Variants in BGN observed in about 807,000 individuals in gnomAD.
BGN encodes bone/cartilage proteoglycan-I.
Under a neutral mutation model 20.0 loss-of-function variants are expected in BGN, and 6 were observed. That is an observed-to-expected ratio of 0.30 (90% confidence interval 0.16 to 0.59). BGN has a LOEUF of 0.59. BGN is among the 20% of genes least tolerant of loss of function. BGN has a pLI of 0.88. For missense variants in BGN, 292 were observed against 312.1 expected, an observed-to-expected ratio of 0.94 and a Z score of 0.49; for synonymous variants, 146 against 134.6, an observed-to-expected ratio of 1.08 and a Z score of -0.59.
At position 153,503,719 on chromosome X, in the gene BGN, T is replaced by TG. The variant is rs1285893661; in HGVS notation, c.-11-896dup. Among the ~76,000 whole-genome samples the TG allele has an allele frequency of 6.2e-5, 7 of 112,245 alleles. No homozygotes were observed. In the Admixed American group the frequency reaches 6.5e-4, roughly 10 times the overall value. On this transcript the variant is annotated intron_variant, in intron 1 of 7. Transcript: ENST00000331595. ...TCCACTCCCACTCGCCGCCTCGGCC[T>TG]GGGGGGCCTCAGGCAAGCCTGACCC... is the stretch of plus-strand genomic sequence containing the variant.
intron 1 of BGN, among the ~76,000 whole-genome samples, chrX:153,502,504 C>T (rs1205369568): frequency 8.9e-6 from 1 of 112,351 alleles, no homozygotes; most frequent in South Asian, 3.7e-4. Context: ...GGGAGAGGGT[C>T]CTACAGCGGC....
rs2089787290 is a variant in BGN at position 153,504,841 on chromosome X, C to A, written c.210C>A (p.His70Gln). 1 of 1,208,960 alleles carries A rather than the reference C, an allele frequency of 8.3e-7. No individual in the cohort carries two copies. The highest frequency in any genetic ancestry group is 1.1e-6 in the Non-Finnish European group (1 of 894,944). Reference sequence around the variant, plus strand: ...TGTGTCCTTTCGGCTGCCACTGCCACCTGCGGGTGGTTCAGTGCTCCGACC... The same window carrying A: ...TGTGTCCTTTCGGCTGCCACTGCCAACTGCGGGTGGTTCAGTGCTCCGACC... ...SAMCPFGCHC[H>Q]LRVVQCSDLG... The change falls in exon 2 of 8, where the codon CAC (histidine) becomes CAA (glutamine). Residue 70 changes from histidine (H) to glutamine (Q), a missense_variant. His to Gln is a conservative substitution (Grantham distance 24). Coordinates refer to ENST00000331595, the MANE Select transcript of BGN (RefSeq NM_001711.6).
chrX:153,499,903 C>T (rs1368350672), intron 1 of BGN, among the ~76,000 whole-genome samples: 2 of 112,994 alleles, frequency 1.8e-5, no homozygotes, highest in African/African-American at 6.4e-5. Context: ...GACACAGTCC[C>T]GGGGACCCCG....
intron 1 of BGN, among the ~76,000 whole-genome samples, chrX:153,496,951 C>CACCCCCCACCCCCT (rs2089720406): frequency 1.5e-5 from 1 of 64,803 alleles, no homozygotes; most frequent in Non-Finnish European, 2.8e-5. Flanking sequence ...TTCCCGGGCC[C>CACCCCCCACCCCCT]ACCCCCCACC....
At chrX:153,506,403 G>T in intron 4 of BGN, 126 bp from the exon 5 acceptor site, 1 of 624,046 alleles carries the variant, frequency 1.6e-6, no homozygotes, top group South Asian at 2.7e-5. Context: ...TAAATTAGCA[G>T]AACTGCTTTC....
chrX:153,501,960 G>A (rs1281774767), intron 1 of BGN, among the ~76,000 whole-genome samples: 2 of 112,133 alleles, frequency 1.8e-5, no homozygotes, highest in Admixed American at 9.3e-5. Flanking sequence ...AGCTGGTCCC[G>A]GGAACCCGCC....
At position 153,505,879 on chromosome X, in the gene BGN, A is replaced by G; in HGVS notation, c.368A>G (p.Asn123Ser). ...CTGCTTCAGGCCCTCGTCCTGGTGA[A>G]CAACAAGATCTCCAAGATCCATGAG... is the stretch of plus-strand genomic sequence containing the variant. ...LQHLYALVLVNNKISKIHEKA... is the reference protein window; with the variant it reads ...LQHLYALVLVSNKISKIHEKA... Residue 123 changes from asparagine to serine, a missense_variant, in exon 4 of 8, where the codon AAC (asparagine) becomes AGC (serine). By Grantham distance (46) the Asn-to-Ser change is conservative (BLOSUM62 1). Coordinates refer to ENST00000331595, the MANE Select transcript of BGN (RefSeq NM_001711.6). 1 of 1,211,319 alleles carries G rather than the reference A, an allele frequency of 8.3e-7. No homozygotes were observed. Among genetic ancestry groups the G allele is most frequent in the Non-Finnish European group, 1.1e-6 (1 of 895,269 alleles).
At chrX:153,504,893 C>T (rs373079750) in intron 2 of BGN, 24 bp downstream of exon 2, 125 of 1,167,110 alleles carry the variant, frequency 1.1e-4, no homozygotes, top group Non-Finnish European at 1.3e-4. Flanking sequence ...TGATGGGGAG[C>T]GGGGCATGCA....
intron 1 of BGN, 74 bp from the exon 2 acceptor site, chrX:153,504,547 G>A (rs2089784454): frequency 1.7e-5 from 15 of 894,327 alleles, no homozygotes; most frequent in South Asian, 1.4e-4. Context: ...CACCACACAC[G>A]CGGAACACCA....
intron 1 of BGN, among the ~76,000 whole-genome samples, chrX:153,497,007 C>T (rs1569532107): frequency 2.3e-5 from 2 of 88,795 alleles, no homozygotes; most frequent in Admixed American, 1.2e-4. Flanking sequence ...CACATGTCCT[C>T]GGCCCACAGA....
intron 1 of BGN, among the ~76,000 whole-genome samples, chrX:153,498,734 G>T (rs781912318): frequency 8.9e-6 from 1 of 112,468 alleles, no homozygotes; most frequent in Non-Finnish European, 1.9e-5. Context: ...GGGCCCTGAA[G>T]TGCTCGCCTG....
At chrX:153,505,008 G>C in intron 2 of BGN, 139 bp downstream of exon 2, 1 of 708,298 alleles carries the variant, frequency 1.4e-6, no homozygotes, top group African/African-American at 2.1e-5. Context: ...CCAGCCGTCT[G>C]GCTGTGAGCT....
Position 153,508,487 on chromosome X carries a change from G to A in BGN, c.*42G>A. 8.5e-7 allele frequency: 1 copy of A among 1,176,676 alleles called. No individual in the cohort carries two copies. The highest frequency in any genetic ancestry group is 1.2e-6 in the Non-Finnish European group (1 of 868,727). On this transcript the variant is annotated 3_prime_UTR_variant, in exon 8 of 8. Transcript: ENST00000331595. ...CGCGGGGCCTCAGTGGGGGTCTCTG[G>A]GGAACACAGCCAGACATCCTGATGG...
rs71869600 is a variant in BGN, at chrX:153,509,379, TGACACCATCAACCGCCAGAGTCCCA to T, written c.*941_*965del. ...GTGGAGGCCCAGCATCCCGCGCAGA[TGACACCATCAACCGCCAGAGTCCCA>T]GACACCGGTTTTCCTAGAAGCCCCT... On this transcript the variant is annotated 3_prime_UTR_variant, in exon 8 of 8. Coordinates refer to ENST00000331595, the MANE Select transcript of BGN (RefSeq NM_001711.6). The T allele has an allele frequency of 0.16, 18,304 of 110,959 alleles. 1,135 individuals are homozygous for T. Among genetic ancestry groups the T allele is most frequent in the East Asian group, 0.26 (907 of 3,468 alleles). 9.1% of individuals were successfully genotyped at this position (110,959 alleles called of 1,213,427 possible). A position where few individuals can be genotyped will look rare whatever the true frequency, so the allele number is the denominator to read the frequency against.
At chrX:153,502,937 G>A (rs1241974913) in intron 1 of BGN, among the ~76,000 whole-genome samples, 1 of 112,692 alleles carries the variant, frequency 8.9e-6, no homozygotes, top group Admixed American at 9.2e-5. Context: ...GTCCACAGGT[G>A]TGGGAGGGCG....
intron 7 of BGN, among the ~76,000 whole-genome samples, chrX:153,507,537 G>A (rs782373473): frequency 8.8e-6 from 1 of 113,044 alleles, no homozygotes; most frequent in East Asian, 2.8e-4. Context: ...ACGAGGGGGA[G>A]CAGGGTCTTG....
At position 153,503,026 on chromosome X, in the gene BGN, G is replaced by T. The variant is rs138399353; in HGVS notation, c.-11-1595G>T. 7.8e-3 allele frequency among the ~76,000 whole-genome samples: 882 copies of T among 112,954 alleles called. 9 individuals are homozygous for T. The highest frequency in any genetic ancestry group is 0.027 in the African/African-American group (849 of 31,156). On this transcript the variant is annotated intron_variant, in intron 1 of 7. Coordinates refer to ENST00000331595, the MANE Select transcript of BGN (RefSeq NM_001711.6). ...TGCTCCCTGGAGCACCCGAGGAGCTGCATGGGGGCGACAGGACAGGCCTCC... is the reference window on the plus strand; with the variant it reads ...TGCTCCCTGGAGCACCCGAGGAGCTTCATGGGGGCGACAGGACAGGCCTCC...
chrX:153,507,244 G>T, intron 7 of BGN, 59 bp downstream of exon 7: 2 of 1,133,077 alleles, frequency 1.8e-6, no homozygotes, highest in South Asian at 4.2e-5. Flanking sequence ...AGGCGTGTGT[G>T]TCCCCGGGCA....
rs2089821021 is a variant in BGN, at chrX:153,508,692, T to C, written c.*247T>C. On this transcript the variant is annotated 3_prime_UTR_variant, in exon 8 of 8. Coordinates refer to ENST00000331595, the MANE Select transcript of BGN (RefSeq NM_001711.6). ...CTTGGCCTCAGAGCTGCCCCTGCTC[T>C]CCCACCACAGCCACCCAGAGGCACC... is the stretch of plus-strand genomic sequence containing the variant. 2.4e-6 allele frequency: 1 copy of C among 424,211 alleles called. No individual in the cohort carries two copies. The highest frequency in any genetic ancestry group is 4.0e-5 in the East Asian group (1 of 25,213). The allele number at this position is 424,211 out of a possible 1,213,427, so 35.0% of individuals were successfully genotyped here.
Sources: allele counts gnomAD v4.1 joint callset (sites outside exome capture counted in the v4.1 genomes callset), GRCh38; gene constraint gnomAD v4.1.1; transcripts MANE v1.5; gene names NCBI Gene and HGNC (gene_info 2026-07-23, HGNC 2026-07-21).